Variants in DPP10 observed in about 807,000 individuals in gnomAD.
DPP10 encodes inactive dipeptidyl peptidase 10.
DPP10 carries 33 observed loss-of-function variants against 120.9 expected under a neutral mutation model. The observed-to-expected ratio is 0.27, with a 90% confidence interval of 0.21 to 0.37. DPP10 has a LOEUF of 0.37. Ranked by LOEUF, DPP10 falls within the 10% of genes least tolerant of loss-of-function variation. The pLI is 1.00. For missense variants in DPP10, 816 were observed against 942.8 expected, an observed-to-expected ratio of 0.87 and a Z score of 1.76; for synonymous variants, 337 against 326.1, an observed-to-expected ratio of 1.03 and a Z score of -0.36.
chr2:115,457,379 A>G (rs1402912882), intron 3 of DPP10, among the ~76,000 whole-genome samples: 1 of 152,176 alleles, frequency 6.6e-6, no homozygotes, highest in African/African-American at 2.4e-5. Flanking sequence ...TATCAAGAGC[A>G]TCATTCATAA....
rs552423995 is a variant in DPP10 at position 114,626,094 on chromosome 2, A to AT, written c.60+183267dup. ...TTTAATTTACCCTCATCAATCCTTC[A>AT]TTTTTTTTTTTACTTCTATGTCAAA... On this transcript the variant is annotated intron_variant, in intron 1 of 25. Coordinates refer to ENST00000410059, the MANE Select transcript of DPP10 (RefSeq NM_020868.6). 1.5e-3 allele frequency among the ~76,000 whole-genome samples: 216 copies of AT among 145,968 alleles called. 1 individual carries two copies. Among genetic ancestry groups the AT allele is most frequent in the African/African-American group, 2.0e-3 (82 of 40,124 alleles).
At chr2:115,768,927 T>C (rs1026396300) in intron 13 of DPP10, among the ~76,000 whole-genome samples, 2 of 151,892 alleles carry the variant, frequency 1.3e-5, no homozygotes, top group African/African-American at 2.4e-5. Flanking sequence ...AGATTTCATG[T>C]TGTAAAATAT....
chr2:115,055,403 T>C (rs932257354), intron 1 of DPP10, among the ~76,000 whole-genome samples: 1 of 152,204 alleles, frequency 6.6e-6, no homozygotes, highest in Non-Finnish European at 1.5e-5. Context: ...TATGTCATTC[T>C]TGGAAAAAGT....
chr2:115,523,910 AAAAC>A (rs1292105011), intron 4 of DPP10, among the ~76,000 whole-genome samples: 1 of 152,182 alleles, frequency 6.6e-6, no homozygotes, highest in Non-Finnish European at 1.5e-5. Context: ...TAAAAACTAA[AAAAC>A]AAAATTCTTG....
At chr2:114,957,312 TATATATTTTGTA>T (rs573660562) in intron 1 of DPP10, among the ~76,000 whole-genome samples, 468 of 152,056 alleles carry the variant, frequency 3.1e-3, no homozygotes, top group Admixed American at 6.2e-3. Flanking sequence ...TATTTTGTAA[TATATATTTTGTA>T]ATATATTTTG....
chr2:115,477,420 G>C (rs1390940904), intron 3 of DPP10, among the ~76,000 whole-genome samples: 1 of 151,812 alleles, frequency 6.6e-6, no homozygotes, highest in African/African-American at 2.4e-5. Context: ...AGCACCAAAA[G>C]GATTAAAATA....
Position 115,775,418 on chromosome 2 carries a change from AG to A in DPP10, c.1222-1789del, listed in dbSNP as rs532320088. ...AACTACAGATTTTAAAAATATTAAA[AG>A]AATACTATGAATAACTTTACATTGA... On this transcript the variant is annotated intron_variant, in intron 13 of 25. Transcript: ENST00000410059. 2.9e-3 allele frequency among the ~76,000 whole-genome samples: 434 copies of A among 152,176 alleles called. 2 individuals carry two copies. The highest frequency in any genetic ancestry group is 4.4e-3 in the Non-Finnish European group (301 of 67,946).
Position 114,522,186 on chromosome 2 carries a change from G to A in DPP10, c.60+79348G>A, listed in dbSNP as rs1327721484. ...TTTTTAGTAGAGACGGGGTTTCACC[G>A]TTTTAGCCGGGATGGTCTCGATCTC... is the stretch of plus-strand genomic sequence containing the variant. On this transcript the variant is annotated intron_variant, in intron 1 of 25. Transcript: ENST00000410059. 5.6e-4 allele frequency among the ~76,000 whole-genome samples: 85 copies of A among 150,834 alleles called. 1 individual carries two copies. The East Asian group carries it at 5.7e-3, about 10-fold the overall frequency.
chr2:115,397,628 C>T (rs2067777301), intron 3 of DPP10, among the ~76,000 whole-genome samples: 1 of 152,164 alleles, frequency 6.6e-6, no homozygotes, highest in African/African-American at 2.4e-5. Context: ...TTGTACCACT[C>T]CTTGCTTCAT....
intron 1 of DPP10, among the ~76,000 whole-genome samples, chr2:114,501,918 C>T (rs904109369): frequency 2.1e-5 from 3 of 145,636 alleles, no homozygotes; most frequent in Non-Finnish European, 3.0e-5. Context: ...TGAGAAAAAA[C>T]GAAGATTGAT....
intron 1 of DPP10, among the ~76,000 whole-genome samples, chr2:114,514,679 A>G (rs1346537429): frequency 6.6e-6 from 1 of 152,112 alleles, no homozygotes; most frequent in Admixed American, 6.5e-5. Flanking sequence ...GCAATGGCAA[A>G]GAGAAGAGTG....
intron 1 of DPP10, among the ~76,000 whole-genome samples, chr2:115,116,865 T>C (rs2049536709): frequency 1.3e-5 from 2 of 152,222 alleles, no homozygotes; most frequent in Non-Finnish European, 2.9e-5. Flanking sequence ...AATCAATACA[T>C]AATGTAACAT....
chr2:115,636,311 G>A (rs938877701), intron 5 of DPP10, among the ~76,000 whole-genome samples: 22 of 152,122 alleles, frequency 1.4e-4, no homozygotes, highest in Non-Finnish European at 8.8e-5. Context: ...CTAAAGTAAC[G>A]TAACAGTGAA....
chr2:115,545,491 T>C (rs1272640047), intron 5 of DPP10, among the ~76,000 whole-genome samples: 2 of 152,052 alleles, frequency 1.3e-5, no homozygotes, highest in African/African-American at 4.8e-5. Context: ...GGGTCGGAGT[T>C]TTCCAATATT....
Position 115,096,835 on chromosome 2 carries a change from C to T in DPP10, c.61-212404C>T, listed in dbSNP as rs373506717. The stretch of plus-strand genomic sequence containing the variant: ...GATGACAAATTTGTTATTTATTTGT[C>T]GTAACAGTTCGTCTCAGATGTGATA... On this transcript the variant is annotated intron_variant, in intron 1 of 25. Coordinates refer to ENST00000410059, the MANE Select transcript of DPP10 (RefSeq NM_020868.6). Among the ~76,000 whole-genome samples the T allele has an allele frequency of 1.8e-4, 28 of 152,090 alleles. No individual in the cohort carries two copies. The East Asian group carries it at 3.3e-3, about 18-fold the overall frequency.
Position 115,672,500 on chromosome 2 carries a change from C to T in DPP10, c.442-17187C>T, listed in dbSNP as rs575209253. Among the ~76,000 whole-genome samples, 4 of 152,080 alleles carry T rather than the reference C, an allele frequency of 2.6e-5. No homozygotes were observed. The South Asian group carries it at 8.3e-4, about 32-fold the overall frequency. On this transcript the variant is annotated intron_variant, in intron 5 of 25. Coordinates refer to ENST00000410059, the MANE Select transcript of DPP10 (RefSeq NM_020868.6). ...TAGGAATTAGAACAATTATTATTTT[C>T]CTACAGATAGCCTAAGAAAATGATG...
chr2:114,870,744 A>G lies in DPP10; in HGVS notation c.60+427906A>G, dbSNP rs940487582. On this transcript the variant is annotated intron_variant, in intron 1 of 25. Coordinates refer to ENST00000410059, the MANE Select transcript of DPP10 (RefSeq NM_020868.6). ...AGATAAGATTTACAAATAATGGAAT[A>G]TCTTTATTAACCCATGGAACTAATG... Among the ~76,000 whole-genome samples, 8 of 136,296 alleles carry G rather than the reference A, an allele frequency of 5.9e-5. 3 individuals carry two copies. The Admixed American group carries it at 6.2e-4, about 10-fold the overall frequency. The allele number at this position is 136,296 out of a possible 152,430, so 89.4% of individuals were successfully genotyped here.
chr2:114,952,015 T>C (rs1233086463), intron 1 of DPP10, among the ~76,000 whole-genome samples: 7 of 152,082 alleles, frequency 4.6e-5, no homozygotes, highest in East Asian at 3.9e-4. Context: ...ATAAGTACTA[T>C]ATTTTATAAA....
intron 1 of DPP10, among the ~76,000 whole-genome samples, chr2:115,051,099 C>T (rs947939680): frequency 3.3e-5 from 5 of 152,172 alleles, no homozygotes; most frequent in Admixed American, 6.6e-5. Context: ...AGGCATTAGA[C>T]GTGCCAACAA....
Sources: allele counts gnomAD v4.1 joint callset (sites outside exome capture counted in the v4.1 genomes callset), GRCh38; gene constraint gnomAD v4.1.1; transcripts MANE v1.5; gene names NCBI Gene and HGNC (gene_info 2026-07-23, HGNC 2026-07-21).